Variants in COL4A1 observed in about 807,000 individuals in gnomAD.
COL4A1 encodes the protein collagen alpha-1(IV) chain.
A neutral mutation model predicts 216.6 loss-of-function variants in COL4A1; 40 were observed. The observed-to-expected ratio is 0.18, with a 90% CI of 0.14 to 0.24. The LOEUF (loss-of-function observed/expected upper bound fraction) is 0.24. Among genes scored for constraint, COL4A1 ranks in the 10% least tolerant of loss-of-function variants. The probability of loss-of-function intolerance (pLI) is 1.00; values close to 1 mark genes in which losing one functional copy is unlikely to be tolerated. For synonymous variants in COL4A1, 839 were observed against 810.7 expected (o/e 1.03, Z -0.59); for missense variants, 1,628 against 2,196.8 (o/e 0.74, Z 5.18).
In COL4A1 at chr13:110,247,305, A is replaced by G. The variant is rs1048434454; in HGVS notation, c.85-4571T>C. 9.8e-5 allele frequency among the ~76,000 whole-genome samples: 15 copies of G among 152,326 alleles called. No homozygotes were observed. In the East Asian group the frequency reaches 1.5e-3, roughly 16 times the overall value. On this transcript the variant is annotated intron_variant, in intron 1 of 51. Transcript: ENST00000375820. ...CTCTGTCAGACACACACACGCACAC[A>G]TAACTTCAATAGCAGAGATCAGCTT...
In COL4A1 at chr13:110,268,459, T is replaced by C. The variant is rs1883125070; in HGVS notation, c.85-25725A>G. On this transcript the variant is annotated intron_variant, in intron 1 of 51. Transcript: ENST00000375820. This position sits in a 1 kb window ranked among gnomAD's most constrained non-coding sequence, Gnocchi z 4.1. ...AGGCAACCATCCTCGCCAGTCCAAG[T>C]GAGCTTTTAACAAAAATGTGTCGAG... Among the ~76,000 whole-genome samples the C allele has an allele frequency of 6.6e-6, 1 of 152,230 alleles. No homozygotes were observed. Among genetic ancestry groups the C allele is most frequent in the Non-Finnish European group, 1.5e-5 (1 of 68,038 alleles).
intron 4 of COL4A1, among the ~76,000 whole-genome samples, chr13:110,213,055 G>A (rs1359728746): frequency 6.6e-6 from 1 of 152,148 alleles, no homozygotes; most frequent in African/African-American, 2.4e-5. Flanking sequence ...CGTATAAGTG[G>A]CGTCTAAGCT....
intron 1 of COL4A1, among the ~76,000 whole-genome samples, chr13:110,263,017 G>A (rs1365102584): frequency 1.3e-5 from 2 of 152,222 alleles, no homozygotes; most frequent in African/African-American, 4.8e-5. Flanking sequence ...TGGATCAAGT[G>A]AACCAAATTT....
At chr13:110,177,420 T>C (rs1877936249) in intron 33 of COL4A1, among the ~76,000 whole-genome samples, 1 of 152,202 alleles carries the variant, frequency 6.6e-6, no homozygotes, top group Non-Finnish European at 1.5e-5. Context: ...TTTTCATGTG[T>C]CATATTTACA....
At chr13:110,170,069 A>AG (rs1431992085) in intron 42 of COL4A1, among the ~76,000 whole-genome samples, 1 of 58,678 alleles carries the variant, frequency 1.7e-5, no homozygotes, top group Non-Finnish European at 3.1e-5. Flanking sequence ...GGGAGGGAGG[A>AG]GGGGAGGGGA....
At chr13:110,254,024 G>A (rs757481760) in intron 1 of COL4A1, among the ~76,000 whole-genome samples, 13 of 151,912 alleles carry the variant, frequency 8.6e-5, no homozygotes, top group Non-Finnish European at 1.5e-4. Context: ...CTTTTTGAGC[G>A]CCAACATGAT....
intron 26 of COL4A1, 113 bp downstream of exon 26, chr13:110,186,272 G>T: frequency 7.4e-7 from 1 of 1,353,686 alleles, no homozygotes; most frequent in Non-Finnish European, 1.1e-6. Context: ...AAGAATCAAA[G>T]CCAAGTGTGC....
intron 49 of COL4A1, chr13:110,160,960 C>T (rs769177960): frequency 7.2e-6 from 4 of 552,190 alleles, no homozygotes; most frequent in African/African-American, 3.8e-5. Flanking sequence ...CCTCTCGCCT[C>T]GGCTTCCCAA....
chr13:110,197,645 G>A (rs1196849405), intron 21 of COL4A1, among the ~76,000 whole-genome samples: 3 of 152,226 alleles, frequency 2.0e-5, no homozygotes, highest in Non-Finnish European at 2.9e-5. Context: ...CTGCCAGGCT[G>A]GAATCCATGG....
chr13:110,295,175 T>C (rs1884222694), intron 1 of COL4A1, among the ~76,000 whole-genome samples: 1 of 152,078 alleles, frequency 6.6e-6, no homozygotes, highest in South Asian at 2.1e-4. Context: ...ACTTTTAGAC[T>C]CTTTAATGGA....
chr13:110,228,589 T>C (rs1178716673), intron 2 of COL4A1, among the ~76,000 whole-genome samples: 1 of 152,186 alleles, frequency 6.6e-6, no homozygotes, highest in Non-Finnish European at 1.5e-5. Context: ...ATTAACGATA[T>C]AACTTCCTAA....
chr13:110,286,165 G>A (rs1418158272), intron 1 of COL4A1, among the ~76,000 whole-genome samples: 2 of 152,194 alleles, frequency 1.3e-5, no homozygotes, highest in East Asian at 1.9e-4. Context: ...GACCAAGAAC[G>A]ACCAAGGACA....
chr13:110,166,341 C>T lies in COL4A1; in HGVS notation c.3950-38G>A, dbSNP rs375714769. 1,272 of 1,265,020 alleles carry T rather than the reference C, an allele frequency of 1.0e-3. 7 individuals carry two copies. Among genetic ancestry groups the T allele is most frequent in the South Asian group, 2.3e-3 (196 of 84,092 alleles). The allele number at this position is 1,265,020 out of a possible 1,614,324, so 78.4% of individuals were successfully genotyped here. A position where few individuals can be genotyped will look rare whatever the true frequency, so the allele number is the denominator to read the frequency against. Reference sequence around the variant, plus strand: ...GGAAAGCACTGTCTTGCACAGAATTCCCAATGATATACAAATATGTGTGTG... The same window carrying T: ...GGAAAGCACTGTCTTGCACAGAATTTCCAATGATATACAAATATGTGTGTG... On this transcript the variant is annotated intron_variant, in intron 44 of 51. Coordinates refer to ENST00000375820, the MANE Select transcript of COL4A1 (RefSeq NM_001845.6).
At chr13:110,180,918 T>C (rs73611405) in intron 29 of COL4A1, among the ~76,000 whole-genome samples, 5,687 of 152,270 alleles carry the variant, frequency 0.037, 347 homozygotes, top group African/African-American at 0.13. Flanking sequence ...ATGCCAGTAG[T>C]GCTGAGGCTG....
At position 110,192,214 on chromosome 13, in the gene COL4A1, T is replaced by C. The variant is rs1001741715; in HGVS notation, c.1536A>G (p.Pro512=). The C allele has an allele frequency of 1.2e-6, 2 of 1,614,040 alleles. No homozygotes were observed. The highest frequency in any genetic ancestry group is 1.3e-5 in the African/African-American group (1 of 74,938). ...LPGRDGVAGV[P]GPQGTPGLIG... The stretch of plus-strand genomic sequence containing the variant: ...CATGAACTCAGACAGGTTTACTTAC[T>C]GGCACTCCTGCAACACCATCTCTGC... Residue 512 remains proline, a splice_region_variant and synonymous_variant, in exon 24 of 52, where the codon CCA becomes CCG. Transcript: ENST00000375820.
At chr13:110,247,835 G>GTGTGTGTGTGTGTGTGTGT (rs765744265) in intron 1 of COL4A1, among the ~76,000 whole-genome samples, 1 of 96,480 alleles carries the variant, frequency 1.0e-5, no homozygotes, top group African/African-American at 3.9e-5. Flanking sequence ...GTGTGTGTGT[G>GTGTGTGTGTGTGTGTGTGT]GCAGAGAGAG....
intron 1 of COL4A1, among the ~76,000 whole-genome samples, chr13:110,304,363 G>A (rs1183135726): frequency 6.6e-6 from 1 of 152,172 alleles, no homozygotes; most frequent in African/African-American, 2.4e-5. Flanking sequence ...CTAATGGTCA[G>A]GAGATGACAG....
At chr13:110,278,069 G>A (rs1038448446) in intron 1 of COL4A1, among the ~76,000 whole-genome samples, 2 of 152,070 alleles carry the variant, frequency 1.3e-5, no homozygotes, top group African/African-American at 2.4e-5. Context: ...AAGTACATAC[G>A]TTAACGTATT....
intron 36 of COL4A1, among the ~76,000 whole-genome samples, 166 bp downstream of exon 36, chr13:110,176,258 C>G (rs1877880219): frequency 6.6e-6 from 1 of 152,184 alleles, no homozygotes; most frequent in Non-Finnish European, 1.5e-5. Context: ...AAATGTCATC[C>G]ATCCCTGAGC....
Sources: gnomAD v4.1 joint callset for allele counts (sites outside exome capture counted in the v4.1 genomes callset) on GRCh38, gnomAD v4.1.1 for gene constraint, Gnocchi (gnomAD v3.1) non-coding constraint, MANE v1.5 for transcripts, NCBI Gene and HGNC (gene_info 2026-07-23, HGNC 2026-07-21) for gene names.